Variants in PLSCR4 observed in about 807,000 individuals in gnomAD.
The protein encoded by PLSCR4 is Ca(2+)-dependent phospholipid scramblase 4.
Under a neutral mutation model 36.3 loss-of-function variants are expected in PLSCR4, and 25 were observed. That is an observed-to-expected ratio of 0.69 (90% CI 0.50 to 0.96). The LOEUF is 0.96. PLSCR4 is among the 40% of genes least tolerant of loss of function. The pLI, the probability that PLSCR4 is intolerant of heterozygous loss-of-function variation, is 0.00. For missense variants in PLSCR4, 408 were observed against 414.7 expected, an observed-to-expected ratio of 0.98 and a Z score of 0.14; for synonymous variants, 122 against 132.9, an observed-to-expected ratio of 0.92 and a Z score of 0.56.
chr3:146,234,915 A>G (rs1200398577), intron 1 of PLSCR4, among the ~76,000 whole-genome samples: 2 of 152,174 alleles, frequency 1.3e-5, no homozygotes, highest in African/African-American at 4.8e-5. Context: ...GACTTTGAAT[A>G]TTAAACTAAC....
rs936972132 is a variant in PLSCR4 at position 146,194,977 on chromosome 3, G to A, written c.945+147C>T. ...CAGATGAGGAAACTGAGGCTTTCAAGTGTAAACACTTTCTAAACCATGTAA... is the reference window on the plus strand; with the variant it reads ...CAGATGAGGAAACTGAGGCTTTCAAATGTAAACACTTTCTAAACCATGTAA... On this transcript the variant is annotated intron_variant, in intron 8 of 8. Transcript: ENST00000354952. 4.9e-6 allele frequency: 3 copies of A among 615,868 alleles called. No homozygotes were observed. The Admixed American group carries it at 8.8e-5, about 18-fold the overall frequency. The allele number at this position is 615,868 out of a possible 1,614,324, so 38.2% of individuals were successfully genotyped here. A position where few individuals can be genotyped will look rare whatever the true frequency, so the allele number is the denominator to read the frequency against.
intron 3 of PLSCR4, among the ~76,000 whole-genome samples, chr3:146,207,467 T>C (rs952596868): frequency 6.6e-6 from 1 of 152,130 alleles, no homozygotes; most frequent in African/African-American, 2.4e-5. Flanking sequence ...AATGTTAGCA[T>C]GGTCAAACCT....
At chr3:146,229,632 TA>T (rs1373258401) in intron 1 of PLSCR4, among the ~76,000 whole-genome samples, 2,624 of 147,162 alleles carry the variant, frequency 0.018, 108 homozygotes, top group African/African-American at 0.059. Context: ...TTTATTTATT[TA>T]TTTATTTATG....
At chr3:146,212,899 A>G (rs1426882511) in intron 3 of PLSCR4, among the ~76,000 whole-genome samples, 1 of 151,936 alleles carries the variant, frequency 6.6e-6, no homozygotes, top group Non-Finnish European at 1.5e-5. Context: ...TCCTATTTCT[A>G]GTTTCTTAAG....
chr3:146,229,641 A>ATTTATTTT (rs372274251), intron 1 of PLSCR4, among the ~76,000 whole-genome samples: 2,195 of 132,916 alleles, frequency 0.017, 45 homozygotes, highest in East Asian at 0.021. Flanking sequence ...TTATTTATTT[A>ATTTATTTT]TGAGATGGAG....
intron 1 of PLSCR4, among the ~76,000 whole-genome samples, chr3:146,231,337 T>C (rs2035704052): frequency 2.0e-5 from 3 of 152,204 alleles, no homozygotes; most frequent in Admixed American, 2.0e-4. Context: ...TGTATGTATC[T>C]TTTTGGTAGA....
At chr3:146,229,660 T>C (rs1327266562) in intron 1 of PLSCR4, among the ~76,000 whole-genome samples, 1 of 151,492 alleles carries the variant, frequency 6.6e-6, no homozygotes, top group Non-Finnish European at 1.5e-5. Flanking sequence ...AGTCTCGCTC[T>C]GTCACCCAGG....
intron 5 of PLSCR4, 139 bp from the exon 6 acceptor site, chr3:146,200,178 T>C (rs747493806): frequency 3.2e-4 from 194 of 598,596 alleles, no homozygotes; most frequent in Non-Finnish European, 5.1e-4. Context: ...TTGATTAGAG[T>C]ACCCCAAAAA....
chr3:146,221,515 G>T (rs2035140243), intron 2 of PLSCR4, among the ~76,000 whole-genome samples: 1 of 152,112 alleles, frequency 6.6e-6, no homozygotes, highest in South Asian at 2.1e-4. Context: ...ACTGAAGTCA[G>T]TTTCATGATG....
intron 2 of PLSCR4, among the ~76,000 whole-genome samples, chr3:146,221,613 G>A (rs558025721): frequency 1.3e-5 from 2 of 152,156 alleles, no homozygotes; most frequent in South Asian, 4.1e-4. Flanking sequence ...ACAACCAGTT[G>A]ACTTTTATCT....
intron 3 of PLSCR4, among the ~76,000 whole-genome samples, chr3:146,218,141 A>C (rs1231340646): frequency 6.6e-6 from 1 of 152,168 alleles, no homozygotes; most frequent in African/African-American, 2.4e-5. Context: ...TGAGAAAAAA[A>C]GTATAACGTA....
chr3:146,200,014 A>C lies in PLSCR4; in HGVS notation c.423T>G (p.Asn141Lys). The change falls in exon 6 of 9, where the codon AAT becomes AAG. Residue 141 changes from asparagine to lysine, a missense_variant. Physicochemically the swap from Asn to Lys is moderately conservative, Grantham distance 94. Coordinates refer to ENST00000354952, the MANE Select transcript of PLSCR4 (RefSeq NM_020353.3). ...CTGAGTTGTTTTTAATATCATATCTATTATTAGTTTCAAAACATGTCATCA... is the reference window on the plus strand; with the variant it reads ...CTGAGTTGTTTTTAATATCATATCTCTTATTAGTTTCAAAACATGTCATCA... ...LEMMTCFETN[N>K]RYDIKNNSDQ... 1 of 1,594,954 alleles carries C rather than the reference A, an allele frequency of 6.3e-7. No homozygotes were observed. Among genetic ancestry groups the C allele is most frequent in the Non-Finnish European group, 8.6e-7 (1 of 1,163,024 alleles).
At chr3:146,226,081 G>C (rs1191682428) in intron 1 of PLSCR4, among the ~76,000 whole-genome samples, 1 of 151,834 alleles carries the variant, frequency 6.6e-6, no homozygotes, top group Non-Finnish European at 1.5e-5. Context: ...GAAATGCTAG[G>C]GAATTAAAAA....
chr3:146,196,938 C>T (rs2033777886), intron 6 of PLSCR4, 145 bp from the exon 7 acceptor site: 1 of 702,354 alleles, frequency 1.4e-6, no homozygotes, highest in Non-Finnish European at 2.4e-6. Context: ...CCATCTCACC[C>T]AGGCCATTCT....
At chr3:146,206,787 T>C (rs1212725392) in intron 3 of PLSCR4, 26 bp from the exon 4 acceptor site, 1 of 1,394,838 alleles carries the variant, frequency 7.2e-7, no homozygotes, top group Admixed American at 2.1e-5. Flanking sequence ...ATCAAAGTGT[T>C]ATATATTATT....
rs749886492 is a variant in PLSCR4, at chr3:146,199,773, G to A, written c.624+40C>T. Reference sequence around the variant, plus strand: ...GAGCACACTATGCCATGAAGAGTTAGATCAGAAGCAAGCTGTGGATCAGAC... The same window carrying A: ...GAGCACACTATGCCATGAAGAGTTAAATCAGAAGCAAGCTGTGGATCAGAC... On this transcript the variant is annotated intron_variant, in intron 6 of 8. Coordinates refer to ENST00000354952, the MANE Select transcript of PLSCR4 (RefSeq NM_020353.3). 4.0e-6 allele frequency: 6 copies of A among 1,483,804 alleles called. No homozygotes were observed. The South Asian group carries it at 5.7e-5, about 14-fold the overall frequency. The allele number at this position is 1,483,804 out of a possible 1,614,324, so 91.9% of individuals were successfully genotyped here.
intron 1 of PLSCR4, among the ~76,000 whole-genome samples, chr3:146,246,409 G>A (rs2036340636): frequency 6.6e-6 from 1 of 151,976 alleles, no homozygotes; most frequent in Non-Finnish European, 1.5e-5. Context: ...TTTTTAGCAA[G>A]TGTGAAGGAT....
intron 1 of PLSCR4, among the ~76,000 whole-genome samples, chr3:146,227,677 C>A (rs1202361011): frequency 6.6e-6 from 1 of 152,146 alleles, no homozygotes; most frequent in Non-Finnish European, 1.5e-5. Flanking sequence ...AGGCTCTGGG[C>A]AGTGAGAATC....
At chr3:146,232,750 T>C (rs575159379) in intron 1 of PLSCR4, among the ~76,000 whole-genome samples, 2 of 152,264 alleles carry the variant, frequency 1.3e-5, no homozygotes, top group South Asian at 2.1e-4. Context: ...GCAAAGACCA[T>C]GGCAGTTTCT....
Sources: allele counts gnomAD v4.1 joint callset (sites outside exome capture counted in the v4.1 genomes callset), GRCh38; gene constraint gnomAD v4.1.1; transcripts MANE v1.5; gene names NCBI Gene and HGNC (gene_info 2026-07-23, HGNC 2026-07-21).